The following SLAMF1 variants were observed in gnomAD, a reference collection of about 807,000 sequenced individuals.
SLAMF1 encodes the protein signaling lymphocytic activation molecule.
In SLAMF1, 18 loss-of-function variants were observed where a neutral mutation model predicts 35.1. That is an observed-to-expected ratio of 0.51 (90% CI 0.35 to 0.76). SLAMF1 has a LOEUF of 0.76. Ranked by LOEUF, SLAMF1 falls within the 30% of genes least tolerant of loss-of-function variation. The probability of loss-of-function intolerance (pLI) is 0.01; values close to 1 mark genes in which losing one functional copy is unlikely to be tolerated. For synonymous variants in SLAMF1, 168 were observed against 157.2 expected, an observed-to-expected ratio of 1.07 and a Z score of -0.51; for missense variants, 392 against 413.0, an observed-to-expected ratio of 0.95 and a Z score of 0.44.
intron 3 of SLAMF1, among the ~76,000 whole-genome samples, chr1:160,632,417 C>G (rs2102329043): frequency 6.6e-6 from 1 of 152,302 alleles, no homozygotes; most frequent in East Asian, 1.9e-4. Context: ...CCCTCCACTC[C>G]TCACAAGAAC....
chr1:160,643,377 G>A (rs976982802), intron 1 of SLAMF1, among the ~76,000 whole-genome samples: 3 of 152,156 alleles, frequency 2.0e-5, no homozygotes, highest in Non-Finnish European at 4.4e-5. Flanking sequence ...GGAAGATAGT[G>A]ACTCCAGGCT....
At chr1:160,618,132 T>C (rs1486182122) in intron 5 of SLAMF1, among the ~76,000 whole-genome samples, 1 of 152,154 alleles carries the variant, frequency 6.6e-6, no homozygotes, top group Non-Finnish European at 1.5e-5. Context: ...TCTCCTCATA[T>C]AGATCTGTAG....
At chr1:160,629,303 G>A (rs187760690) in intron 3 of SLAMF1, among the ~76,000 whole-genome samples, 2,320 of 150,292 alleles carry the variant, frequency 0.015, 53 homozygotes, top group African/African-American at 0.053. Flanking sequence ...ACAGAAGCGT[G>A]TCTCTCTCTC....
At chr1:160,617,511 C>A (rs1242221620) in intron 5 of SLAMF1, among the ~76,000 whole-genome samples, 1 of 151,860 alleles carries the variant, frequency 6.6e-6, no homozygotes, top group Non-Finnish European at 1.5e-5. Context: ...TGCATTATAT[C>A]TAAATTCAAA....
intron 4 of SLAMF1, among the ~76,000 whole-genome samples, chr1:160,620,662 C>T (rs1158710801): frequency 2.6e-5 from 4 of 151,974 alleles, no homozygotes; most frequent in South Asian, 2.1e-4. Flanking sequence ...CAAAAGAAAC[C>T]GTATTTTTCA....
At chr1:160,626,718 C>T (rs1412432483) in intron 3 of SLAMF1, among the ~76,000 whole-genome samples, 1 of 151,990 alleles carries the variant, frequency 6.6e-6, no homozygotes, top group East Asian at 1.9e-4. Flanking sequence ...AGATGCGGTC[C>T]CCATAAAGAA....
At chr1:160,644,141 G>A (rs758236780) in intron 1 of SLAMF1, among the ~76,000 whole-genome samples, 2 of 152,022 alleles carry the variant, frequency 1.3e-5, no homozygotes, top group African/African-American at 2.4e-5. Flanking sequence ...TCACCTTTTG[G>A]ACATTTCTAT....
rs1419873199 is a variant in SLAMF1 at position 160,634,624 on chromosome 1, G to A, written c.689C>T (p.Thr230Ile). The change falls in exon 3 of 7, where the codon ACA (threonine) becomes ATA (isoleucine). Residue 230 changes from threonine (T) to isoleucine (I), a missense_variant. Coordinates refer to ENST00000302035, the MANE Select transcript of SLAMF1 (RefSeq NM_003037.5). ...ACCAGTGTACTCACCTGAGGGGTCT[G>A]TCCTGCATCCGGGCCACGGGCTGAA... is the stretch of plus-strand genomic sequence containing the variant. ...QTFSPWPGCR[T>I]DPSETKPWAV... 32 of 1,606,622 alleles carry A rather than the reference G, an allele frequency of 2.0e-5. No individual in the cohort carries two copies. Among genetic ancestry groups the A allele is most frequent in the Non-Finnish European group, 2.6e-5 (30 of 1,175,834 alleles).
intron 5 of SLAMF1, chr1:160,615,702 C>T: frequency 3.1e-6 from 1 of 319,128 alleles, no homozygotes; most frequent in South Asian, 2.6e-5. Flanking sequence ...TCACAGATGT[C>T]AAGATAAGGA....
At position 160,634,715 on chromosome 1, in the gene SLAMF1, G is replaced by T. The variant is rs768444453; in HGVS notation, c.598C>A (p.Pro200Thr). The T allele has an allele frequency of 3.1e-6, 5 of 1,614,034 alleles. No homozygotes were observed. In the Admixed American group the frequency reaches 8.3e-5, roughly 27 times the overall value. ...ATGTAGATATTGTCAGCATGCTGGG[G>T]GCCGAGGGTGAGGGACAGGAGGTGG... ...SSHLLSLTLG[P>T]QHADNIYICT... The change falls in exon 3 of 7, where the codon CCC becomes ACC. Residue 200 changes from proline to threonine, a missense_variant. Coordinates refer to ENST00000302035, the MANE Select transcript of SLAMF1 (RefSeq NM_003037.5).
chr1:160,624,286 C>T, intron 3 of SLAMF1, 101 bp from the exon 4 acceptor site: 1 of 845,092 alleles, frequency 1.2e-6, no homozygotes, highest in South Asian at 1.5e-5. Flanking sequence ...TCTATTTCTG[C>T]ATTCTCTCCC....
chr1:160,637,326 C>T lies in SLAMF1; in HGVS notation c.280G>A (p.Asp94Asn), dbSNP rs771255635. ...TTCTCCAGATAAAACTTGTAGCGAT[C>T]TCCTAGATAACGTGGAGGGCCTGCT... ...SEAGPPRYLG[D>N]RYKFYLENLT... The change falls in exon 2 of 7, where the codon GAT becomes AAT. Residue 94 changes from aspartate (D) to asparagine (N), a missense_variant. By Grantham distance (23) the Asp-to-Asn change is conservative. Transcript: ENST00000302035. 2 of 1,614,066 alleles carry T rather than the reference C, an allele frequency of 1.2e-6. No individual in the cohort carries two copies. Among genetic ancestry groups the T allele is most frequent in the Admixed American group, 3.3e-5 (2 of 60,012 alleles).
chr1:160,613,073 G>A (rs1476185911), intron 5 of SLAMF1, among the ~76,000 whole-genome samples: 3 of 152,134 alleles, frequency 2.0e-5, no homozygotes, highest in South Asian at 2.1e-4. Context: ...ACACTTCACC[G>A]ATGATGAAGC....
intron 3 of SLAMF1, among the ~76,000 whole-genome samples, chr1:160,627,955 C>T (rs1659969717): frequency 6.6e-6 from 1 of 152,156 alleles, no homozygotes; most frequent in African/African-American, 2.4e-5. Flanking sequence ...GAATAAGTCT[C>T]ACAAGATCTG....
At position 160,614,551 on chromosome 1, in the gene SLAMF1, C is replaced by A. The variant is rs373840402; in HGVS notation, c.865-1971G>T. On this transcript the variant is annotated intron_variant, in intron 5 of 6. Coordinates refer to ENST00000302035, the MANE Select transcript of SLAMF1 (RefSeq NM_003037.5). ...ATGGCGCCACAGCACTCTAGCCTGG[C>A]GACAGAGTGAGACTCCGCATCACCA... is the stretch of plus-strand genomic sequence containing the variant. Among the ~76,000 whole-genome samples, 4 of 144,454 alleles carry A rather than the reference C, an allele frequency of 2.8e-5. No individual in the cohort carries two copies. The Admixed American group carries it at 2.9e-4, about 10-fold the overall frequency. The allele number at this position is 144,454 out of a possible 152,430, so 94.8% of individuals were successfully genotyped here.
At chr1:160,615,731 C>G (rs1044098473) in intron 5 of SLAMF1, 1 of 345,712 alleles carries the variant, frequency 2.9e-6, no homozygotes, top group African/African-American at 2.2e-5. Context: ...TAAGGTCATC[C>G]TGGATTAGAA....
chr1:160,609,512 T>C lies in SLAMF1; in HGVS notation c.*1236A>G, dbSNP rs1285595639. 1 of 152,200 alleles carries C rather than the reference T, an allele frequency of 6.6e-6. No individual in the cohort carries two copies. 9.4% of individuals were successfully genotyped at this position (152,200 alleles called of 1,614,324 possible). On this transcript the variant is annotated 3_prime_UTR_variant, in exon 7 of 7. Transcript: ENST00000302035. ...GAGCTGGGAAGTTGGTGCTCCTTAT[T>C]ATGCAATGGTATGATAGTGGCTGTT...
rs1658847804 is a variant in SLAMF1, at chr1:160,609,171, A to G, written c.*1577T>C. On this transcript the variant is annotated 3_prime_UTR_variant, in exon 7 of 7. Coordinates refer to ENST00000302035, the MANE Select transcript of SLAMF1 (RefSeq NM_003037.5). ...CTAGTGCTGGGGACAGTGGCTGTGC[A>G]TGAACAGGATCATCATCCCTGGGCT... 1.3e-5 allele frequency: 2 copies of G among 152,282 alleles called. No homozygotes were observed. Among genetic ancestry groups the G allele is most frequent in the South Asian group, 2.1e-4 (1 of 4,834 alleles). 9.4% of individuals were successfully genotyped at this position (152,282 alleles called of 1,614,324 possible).
At position 160,637,549 on chromosome 1, in the gene SLAMF1, A is replaced by C. The variant is rs1425318195; in HGVS notation, c.77-20T>G. 6.4e-7 allele frequency: 1 copy of C among 1,563,718 alleles called. No individual in the cohort carries two copies. The highest frequency in any genetic ancestry group is 8.7e-7 in the Non-Finnish European group (1 of 1,146,182). ...GCCCACCTGTGGGAGGGAGGAGAAGAGAGTCCCTTATTATTAAGGCCTTTA... is the reference window on the plus strand; with the variant it reads ...GCCCACCTGTGGGAGGGAGGAGAAGCGAGTCCCTTATTATTAAGGCCTTTA... On this transcript the variant is annotated intron_variant, in intron 1 of 6. Transcript: ENST00000302035.
Sources: gnomAD v4.1 joint callset for allele counts (sites outside exome capture counted in the v4.1 genomes callset) on GRCh38, gnomAD v4.1.1 for gene constraint, MANE v1.5 for transcripts, NCBI Gene and HGNC (gene_info 2026-07-23, HGNC 2026-07-21) for gene names.